Variants in PHACTR2 observed in about 807,000 individuals in gnomAD.
The protein encoded by PHACTR2 is phosphatase and actin regulator 2, also known as chromosome 6 open reading frame 56.
PHACTR2 carries 30 observed loss-of-function variants against 76.0 expected under a neutral mutation model. That is an observed-to-expected ratio of 0.39 (90% CI 0.30 to 0.54). PHACTR2 has a LOEUF of 0.54. Among genes scored for constraint, PHACTR2 ranks in the 20% least tolerant of loss-of-function variants. The pLI is 0.61. For synonymous variants in PHACTR2, 292 were observed against 292.5 expected, an observed-to-expected ratio of 1.00 and a Z score of 0.02; for missense variants, 696 against 781.1, an observed-to-expected ratio of 0.89 and a Z score of 1.30.
rs1054447271 is a variant in PHACTR2 at position 143,739,358 on chromosome 6, C to G, written c.215-9627C>G. ...GATTACAGGTGTGAGCCACCGCACC[C>G]GGCTGCGAGATTCACTTTAAAATCA... On this transcript the variant is annotated intron_variant, in intron 2 of 12. Transcript: ENST00000440869. This position sits in a 1 kb window ranked among gnomAD's most constrained non-coding sequence, Gnocchi z 4.3. Among the ~76,000 whole-genome samples the G allele has an allele frequency of 3.3e-5, 5 of 152,160 alleles. No homozygotes were observed. Among genetic ancestry groups the G allele is most frequent in the Admixed American group, 1.3e-4 (2 of 15,276 alleles).
At position 143,809,457 on chromosome 6, in the gene PHACTR2, C is replaced by T. The variant is rs1438340569; in HGVS notation, c.1922+2324C>T. Among the ~76,000 whole-genome samples the T allele has an allele frequency of 1.3e-5, 2 of 151,966 alleles. No homozygotes were observed. The highest frequency in any genetic ancestry group is 2.9e-5 in the Non-Finnish European group (2 of 67,996). Reference sequence around the variant, plus strand: ...AAGTCCTGAGCTCAAGCGATCCTCCCAGCTCAGTCTACCAAAGTGTTGTGA... The same window carrying T: ...AAGTCCTGAGCTCAAGCGATCCTCCTAGCTCAGTCTACCAAAGTGTTGTGA... On this transcript the variant is annotated intron_variant, in intron 12 of 12. Coordinates refer to ENST00000440869, the MANE Select transcript of PHACTR2 (RefSeq NM_001100164.2). This position sits in a 1 kb window ranked among gnomAD's most constrained non-coding sequence, Gnocchi z 4.2.
In PHACTR2 at chr6:143,678,000, C is replaced by T; in HGVS notation, c.-164C>T. On this transcript the variant is annotated 5_prime_UTR_variant, in exon 1 of 13. Transcript: ENST00000440869. Reference sequence around the variant, plus strand: ...CAGGATCCGCCGCGCCGGCTGCGGCCGGCCGGGCTGGGAGACCCGCGCGGG... The same window carrying T: ...CAGGATCCGCCGCGCCGGCTGCGGCTGGCCGGGCTGGGAGACCCGCGCGGG... 1.0e-5 allele frequency: 15 copies of T among 1,451,634 alleles called. No individual in the cohort carries two copies. The highest frequency in any genetic ancestry group is 2.6e-5 in the Admixed American group (1 of 37,926). 89.9% of individuals were successfully genotyped at this position (1,451,634 alleles called of 1,614,324 possible). A position where few individuals can be genotyped will look rare whatever the true frequency, so the allele number is the denominator to read the frequency against.
chr6:143,555,129 A>G (rs772227217), intron 1 of PHACTR2: 9 of 152,196 alleles, frequency 5.9e-5, no homozygotes, highest in Non-Finnish European at 1.3e-4. Flanking sequence ...AATAAAAACC[A>G]TCCCAGCTTC....
chr6:143,768,860 C>G (rs1289380795), intron 6 of PHACTR2, among the ~76,000 whole-genome samples: 1 of 152,154 alleles, frequency 6.6e-6, no homozygotes, highest in Non-Finnish European at 1.5e-5. Flanking sequence ...GTATATTCTT[C>G]AAAATTTAAA....
intron 2 of PHACTR2, among the ~76,000 whole-genome samples, chr6:143,745,816 A>G (rs1779050504): frequency 6.6e-6 from 1 of 152,194 alleles, no homozygotes; most frequent in African/African-American, 2.4e-5. Context: ...GCATTTTCCT[A>G]TCAGAGCCTG....
intron 2 of PHACTR2, among the ~76,000 whole-genome samples, chr6:143,741,320 C>A (rs1198890457): frequency 1.3e-5 from 2 of 151,548 alleles, no homozygotes; most frequent in East Asian, 3.9e-4. Context: ...TGGCCAAACC[C>A]CATCTCTACT....
chr6:143,626,266 G>T (rs1246835855), intron 1 of PHACTR2, among the ~76,000 whole-genome samples: 3 of 152,040 alleles, frequency 2.0e-5, no homozygotes, highest in African/African-American at 7.3e-5. Context: ...GGCCGGGCAC[G>T]GTTGCTCACG....
In PHACTR2 at chr6:143,678,120, A is replaced by G; in HGVS notation, c.-44A>G. 15 of 1,545,852 alleles carry G rather than the reference A, an allele frequency of 9.7e-6. No individual in the cohort carries two copies. Among genetic ancestry groups the G allele is most frequent in the Non-Finnish European group, 1.3e-5 (15 of 1,144,886 alleles). ...GGAGCGGACCCATGATCGAAGGACC[A>G]AAGGAGCCGCTTGATCGCTGGACCT... On this transcript the variant is annotated 5_prime_UTR_variant, in exon 1 of 13. Coordinates refer to ENST00000440869, the MANE Select transcript of PHACTR2 (RefSeq NM_001100164.2). The surrounding 1 kb of genome is among the most constrained non-coding windows in gnomAD (Gnocchi z 6.2).
rs925159935 is a variant in PHACTR2, at chr6:143,757,634, G to A, written c.455-2767G>A. Reference sequence around the variant, plus strand: ...CGTCCTTATCAAGCCAGAATGACGAGGCAGCCCTTTCTCAACCTTCTCTTG... The same window carrying A: ...CGTCCTTATCAAGCCAGAATGACGAAGCAGCCCTTTCTCAACCTTCTCTTG... On this transcript the variant is annotated intron_variant, in intron 4 of 12. Coordinates refer to ENST00000440869, the MANE Select transcript of PHACTR2 (RefSeq NM_001100164.2). The surrounding 1 kb of genome is among the most constrained non-coding windows in gnomAD (Gnocchi z 4.2). Among the ~76,000 whole-genome samples the A allele has an allele frequency of 6.6e-6, 1 of 152,136 alleles. No individual in the cohort carries two copies. Among genetic ancestry groups the A allele is most frequent in the African/African-American group, 2.4e-5 (1 of 41,428 alleles).
chr6:143,705,142 C>T (rs911176019), intron 1 of PHACTR2, among the ~76,000 whole-genome samples: 3 of 141,074 alleles, frequency 2.1e-5, no homozygotes, highest in Non-Finnish European at 4.6e-5. Context: ...ATTTTTGAGA[C>T]AAGTCTCGCT....
At position 143,738,441 on chromosome 6, in the gene PHACTR2, C is replaced by T. The variant is rs572146703; in HGVS notation, c.215-10544C>T. ...TATAAAGAATTTCAGCCACCTTTAC[C>T]CCAGGGCAATAGAATTAGATCTTTA... On this transcript the variant is annotated intron_variant, in intron 2 of 12. Transcript: ENST00000440869. The surrounding 1 kb of genome is among the most constrained non-coding windows in gnomAD (Gnocchi z 4.0). Among the ~76,000 whole-genome samples, 5 of 151,888 alleles carry T rather than the reference C, an allele frequency of 3.3e-5. No individual in the cohort carries two copies. In the South Asian group the frequency reaches 1.0e-3, roughly 32 times the overall value.
At chr6:143,721,591 T>G (rs1778444546) in intron 2 of PHACTR2, among the ~76,000 whole-genome samples, 1 of 152,106 alleles carries the variant, frequency 6.6e-6, no homozygotes, top group Non-Finnish European at 1.5e-5. Context: ...TTTCCTTTTG[T>G]GTTGGCCTGA....
At chr6:143,644,706 T>C (rs189255995) in intron 1 of PHACTR2, among the ~76,000 whole-genome samples, 188 of 152,010 alleles carry the variant, frequency 1.2e-3, no homozygotes, top group African/African-American at 3.7e-3. Context: ...TTTTTCTTAG[T>C]GGTATGTAAA....
chr6:143,818,279 T>A lies in PHACTR2; in HGVS notation c.1923-5395T>A, dbSNP rs1398339936. Among the ~76,000 whole-genome samples, 1 of 152,182 alleles carries A rather than the reference T, an allele frequency of 6.6e-6. No individual in the cohort carries two copies. The highest frequency in any genetic ancestry group is 1.5e-5 in the Non-Finnish European group (1 of 68,040). ...AAGTACAGATGAAGACATGTTTTGATCTCATACTGAAATGTAGGTTAGGAA... is the reference window on the plus strand; with the variant it reads ...AAGTACAGATGAAGACATGTTTTGAACTCATACTGAAATGTAGGTTAGGAA... On this transcript the variant is annotated intron_variant, in intron 12 of 12. Transcript: ENST00000440869. This position sits in a 1 kb window ranked among gnomAD's most constrained non-coding sequence, Gnocchi z 4.9.
chr6:143,635,711 T>G (rs1031291775), intron 1 of PHACTR2, among the ~76,000 whole-genome samples: 1 of 152,230 alleles, frequency 6.6e-6, no homozygotes, highest in East Asian at 1.9e-4. Context: ...TCTTAGCTTT[T>G]CCCCATTTTA....
rs1775457694 is a variant in PHACTR2, at chr6:143,782,640, A to G, written c.1646-579A>G. ...TCCACCCAGAGTACATCATAACCTC[A>G]TTTAGAACATTCTGGTTTGAAAGCA... On this transcript the variant is annotated intron_variant, in intron 9 of 12. Transcript: ENST00000440869. This position sits in a 1 kb window ranked among gnomAD's most constrained non-coding sequence, Gnocchi z 4.6. Among the ~76,000 whole-genome samples the G allele has an allele frequency of 1.3e-5, 2 of 152,204 alleles. No homozygotes were observed.
chr6:143,783,819 G>C lies in PHACTR2; in HGVS notation c.1707+539G>C, dbSNP rs886778722. On this transcript the variant is annotated intron_variant, in intron 10 of 12. Transcript: ENST00000440869. The surrounding 1 kb of genome is among the most constrained non-coding windows in gnomAD (Gnocchi z 5.2). ...AATAAAATCATGTCTTTCATTCAGA[G>C]ACAGCCATTATTAACATTTCAATGC... Among the ~76,000 whole-genome samples, 3 of 152,046 alleles carry C rather than the reference G, an allele frequency of 2.0e-5. No homozygotes were observed. The highest frequency in any genetic ancestry group is 7.2e-5 in the African/African-American group (3 of 41,398).
intron 5 of PHACTR2, among the ~76,000 whole-genome samples, chr6:143,763,554 G>T (rs557128984): frequency 8.5e-5 from 13 of 152,136 alleles, no homozygotes; most frequent in Non-Finnish European, 1.9e-4. Context: ...TCTAGGCTAG[G>T]GAAGGTTGTT....
chr6:143,637,158 G>A (rs552752911), intron 1 of PHACTR2, among the ~76,000 whole-genome samples: 10 of 152,304 alleles, frequency 6.6e-5, no homozygotes, highest in African/African-American at 2.2e-4. Flanking sequence ...ATGGTGGTGT[G>A]CTAAGCATGT....
Sources: gnomAD v4.1 joint callset for allele counts (sites outside exome capture counted in the v4.1 genomes callset) on GRCh38, gnomAD v4.1.1 for gene constraint, Gnocchi (gnomAD v3.1) non-coding constraint, MANE v1.5 for transcripts, NCBI Gene and HGNC (gene_info 2026-07-23, HGNC 2026-07-21) for gene names.